The following PACS2 variants were observed in gnomAD, a reference collection of about 807,000 sequenced individuals.
PACS2 encodes the protein phosphofurin acidic cluster sorting protein 2.
In PACS2, 36 loss-of-function variants were observed where a neutral mutation model predicts 113.0. That is an observed-to-expected ratio of 0.32 (90% confidence interval 0.24 to 0.42). The LOEUF (loss-of-function observed/expected upper bound fraction) is 0.42, where lower values mean the gene tolerates loss of function less well. PACS2 is among the 10% of genes least tolerant of loss of function. The pLI is 1.00. For synonymous variants in PACS2, 589 were observed against 536.1 expected, an observed-to-expected ratio of 1.10 and a Z score of -1.36; for missense variants, 1,015 against 1,239.5, an observed-to-expected ratio of 0.82 and a Z score of 2.72.
Position 105,396,452 on chromosome 14 carries a change from AGCTGG to A in PACS2, c.*1785_*1789del, listed in dbSNP as rs782543090. 2 of 151,678 alleles carry A rather than the reference AGCTGG, an allele frequency of 1.3e-5. No individual in the cohort carries two copies. The highest frequency in any genetic ancestry group is 2.4e-5 in the African/African-American group (1 of 41,094). The allele number at this position is 151,678 out of a possible 1,614,324, so 9.4% of individuals were successfully genotyped here. A position where few individuals can be genotyped will look rare whatever the true frequency, so the allele number is the denominator to read the frequency against. ...TGACTGACTCGTTCAGCTGCCCCCA[AGCTGG>A]GCTGCAGAGCATCTGTTTTTCTGCT... is the stretch of plus-strand genomic sequence containing the variant. On this transcript the variant is annotated 3_prime_UTR_variant, in exon 25 of 25. Transcript: ENST00000447393.
chr14:105,302,079 C>T (rs1205535530), intron 1 of PACS2, among the ~76,000 whole-genome samples: 1 of 150,834 alleles, frequency 6.6e-6, no homozygotes. Flanking sequence ...GTGGAGGTTG[C>T]AGTGAGCTGA....
intron 1 of PACS2, among the ~76,000 whole-genome samples, chr14:105,306,455 C>A (rs1038433590): frequency 6.6e-6 from 1 of 152,210 alleles, no homozygotes. Context: ...AGGTGCATGC[C>A]ACCATGCCCG....
Position 105,381,085 on chromosome 14 carries a change from C to A in PACS2, c.1254C>A (p.Val418=), listed in dbSNP as rs371645229. 6.2e-7 allele frequency: 1 copy of A among 1,611,912 alleles called. No homozygotes were observed. Among genetic ancestry groups the A allele is most frequent in the South Asian group, 1.1e-5 (1 of 90,958 alleles). Residue 418 remains valine (V), a synonymous_variant, in exon 12 of 25, where the codon GTC becomes GTA. Coordinates refer to ENST00000447393, the MANE Select transcript of PACS2 (RefSeq NM_001100913.3). ...GGATCACCAAGACAGAGTCCCTTGT[C>A]ATCCCCTCCACCAGGTGATGGGGGC... is the stretch of plus-strand genomic sequence containing the variant. ...SGRITKTESL[V]IPSTRSEGKQ... is the part of the protein sequence containing the mutation.
intron 8 of PACS2, chr14:105,374,797 G>C (rs2061287650): frequency 6.6e-6 from 1 of 152,208 alleles, no homozygotes; most frequent in Non-Finnish European, 1.5e-5. Flanking sequence ...AAGTCTTTGA[G>C]AATCACTAAG....
In PACS2 at chr14:105,352,381, T is replaced by C; in HGVS notation, c.211T>C (p.Ser71Pro). 6.2e-7 allele frequency: 1 copy of C among 1,609,652 alleles called. No individual in the cohort carries two copies. The highest frequency in any genetic ancestry group is 8.5e-7 in the Non-Finnish European group (1 of 1,176,190). ...AACAGGTCTTGCTTAATCACAGGGC[T>C]CCAAACGAATCCTGCGGTCCCATGA... ...SVVIAVKMQG[S>P]KRILRSHEIV... The change falls in exon 3 of 25, where the codon TCC becomes CCC. Residue 71 changes from serine (S) to proline (P), a missense_variant. Transcript: ENST00000447393.
Position 105,309,079 on chromosome 14 carries a change from G to C in PACS2, c.-83+8100G>C, listed in dbSNP as rs995103549. Among the ~76,000 whole-genome samples the C allele has an allele frequency of 2.0e-5, 3 of 152,140 alleles. No individual in the cohort carries two copies. Among genetic ancestry groups the C allele is most frequent in the Non-Finnish European group, 2.9e-5 (2 of 68,030 alleles). ...TTGAGTGTTGGTTGACACGTGTTGCGGTAATTGCTGTTCTGATGTCTGTGA... is the reference window on the plus strand; with the variant it reads ...TTGAGTGTTGGTTGACACGTGTTGCCGTAATTGCTGTTCTGATGTCTGTGA... On this transcript the variant is annotated intron_variant, in intron 1 of 23. Transcript: ENST00000430725. This position sits in a 1 kb window ranked among gnomAD's most constrained non-coding sequence, Gnocchi z 4.0.
At chr14:105,349,050 C>T (rs587663702) in intron 2 of PACS2, among the ~76,000 whole-genome samples, 5 of 152,344 alleles carry the variant, frequency 3.3e-5, no homozygotes, top group South Asian at 2.1e-4. Flanking sequence ...TGTGACCTCT[C>T]GAAGGCTTTG....
chr14:105,365,687 C>T lies in PACS2; in HGVS notation c.424-1526C>T, dbSNP rs1436968974. On this transcript the variant is annotated intron_variant, in intron 4 of 24. Coordinates refer to ENST00000447393, the MANE Select transcript of PACS2 (RefSeq NM_001100913.3). This position sits in a 1 kb window ranked among gnomAD's most constrained non-coding sequence, Gnocchi z 5.1. ...TCCGGGACCCCAGCCCGGCAGCCCCCTCCCCTCTGAGCTCATTTTACTGGG... is the reference window on the plus strand; with the variant it reads ...TCCGGGACCCCAGCCCGGCAGCCCCTTCCCCTCTGAGCTCATTTTACTGGG... 2.6e-5 allele frequency among the ~76,000 whole-genome samples: 4 copies of T among 152,206 alleles called. No homozygotes were observed. Among genetic ancestry groups the T allele is most frequent in the South Asian group, 2.1e-4 (1 of 4,832 alleles).
chr14:105,393,131 C>A (rs1370021862), intron 23 of PACS2, 91 bp from the exon 24 acceptor site: 2 of 960,578 alleles, frequency 2.1e-6, no homozygotes, highest in Admixed American at 1.9e-5. Flanking sequence ...ACCAGCTGAG[C>A]CCCCAGTGCC....
intron 2 of PACS2, among the ~76,000 whole-genome samples, chr14:105,350,942 C>G (rs78109864): frequency 0.068 from 10,282 of 152,282 alleles, 486 homozygotes; most frequent in Non-Finnish European, 0.1. Flanking sequence ...ACGTGAGGCC[C>G]CAGCACAAGG....
intron 19 of PACS2, among the ~76,000 whole-genome samples, chr14:105,388,384 G>A (rs993350308): frequency 6.6e-6 from 1 of 152,240 alleles, no homozygotes; most frequent in Non-Finnish European, 1.5e-5. Context: ...TTTACTTGTG[G>A]GCACACTTTG....
rs1440004882 is a variant in PACS2, at chr14:105,366,367, AAATC to A, written c.424-845_424-842del. Among the ~76,000 whole-genome samples the A allele has an allele frequency of 6.6e-6, 1 of 152,204 alleles. No homozygotes were observed. The highest frequency in any genetic ancestry group is 1.5e-5 in the Non-Finnish European group (1 of 68,040). On this transcript the variant is annotated intron_variant, in intron 4 of 24. Coordinates refer to ENST00000447393, the MANE Select transcript of PACS2 (RefSeq NM_001100913.3). The surrounding 1 kb of genome is among the most constrained non-coding windows in gnomAD (Gnocchi z 4.3). The stretch of plus-strand genomic sequence containing the variant: ...CGTCTCAAAAAAGTAATAAATAAAT[AAATC>A]TGGTCTATAAAATCCTAACATCTGG...
intron 4 of PACS2, among the ~76,000 whole-genome samples, chr14:105,359,938 CTGTGTTTAAA>C (rs1230397196): frequency 6.6e-6 from 1 of 152,150 alleles, no homozygotes; most frequent in Non-Finnish European, 1.5e-5. Flanking sequence ...CCTACTTTTT[CTGTGTTTAAA>C]TGTGTTTAGA....
At chr14:105,375,417 G>A (rs1555410165) in intron 8 of PACS2, among the ~76,000 whole-genome samples, 1 of 148,146 alleles carries the variant, frequency 6.8e-6, no homozygotes, top group Non-Finnish European at 1.5e-5. Flanking sequence ...GGCGGAGCTT[G>A]CAGTGAGCCG....
At chr14:105,349,217 C>T (rs1386786052) in intron 2 of PACS2, among the ~76,000 whole-genome samples, 2 of 152,244 alleles carry the variant, frequency 1.3e-5, no homozygotes, top group Non-Finnish European at 1.5e-5. Flanking sequence ...TCAGGGCCAC[C>T]CCTGCCCTTT....
At position 105,376,746 on chromosome 14, in the gene PACS2, C is replaced by T. The variant is rs782538239; in HGVS notation, c.802-22C>T. Reference sequence around the variant, plus strand: ...AATGTGGGCTGCTGCAGGGAACTCACGCGTGCCTGGCACCCGTGCAGGTCC... The same window carrying T: ...AATGTGGGCTGCTGCAGGGAACTCATGCGTGCCTGGCACCCGTGCAGGTCC... On this transcript the variant is annotated intron_variant, in intron 8 of 24. Coordinates refer to ENST00000447393, the MANE Select transcript of PACS2 (RefSeq NM_001100913.3). This position sits in a 1 kb window ranked among gnomAD's most constrained non-coding sequence, Gnocchi z 4.7. The T allele has an allele frequency of 2.1e-5, 33 of 1,609,254 alleles. No homozygotes were observed. Among genetic ancestry groups the T allele is most frequent in the Middle Eastern group, 1.6e-4 (1 of 6,070 alleles).
At chr14:105,392,407 C>T (rs924908431) in intron 22 of PACS2, 9 of 582,576 alleles carry the variant, frequency 1.5e-5, no homozygotes, top group East Asian at 1.1e-4. Flanking sequence ...GCTCTCCTGT[C>T]GCCAGGGTCC....
intron 1 of PACS2, among the ~76,000 whole-genome samples, chr14:105,327,740 C>A (rs1297485625): frequency 6.6e-6 from 1 of 152,226 alleles, no homozygotes; most frequent in Non-Finnish European, 1.5e-5. Context: ...GAGATTGCGA[C>A]TGTGGCTCGA....
intron 1 of PACS2, among the ~76,000 whole-genome samples, chr14:105,305,724 C>T (rs2058168326): frequency 6.6e-6 from 1 of 152,180 alleles, no homozygotes; most frequent in Admixed American, 6.5e-5. Flanking sequence ...CCCCATGCTG[C>T]AAGCGCCCCA....
Sources: allele counts gnomAD v4.1 joint callset (sites outside exome capture counted in the v4.1 genomes callset), GRCh38; gene constraint gnomAD v4.1.1; non-coding constraint Gnocchi (gnomAD v3.1); transcripts MANE v1.5; gene names NCBI Gene and HGNC (gene_info 2026-07-23, HGNC 2026-07-21).